Variants in SMYD3 observed in about 807,000 individuals in gnomAD.
SMYD3 encodes the protein histone-lysine N-methyltransferase SMYD3.
In SMYD3, 36 loss-of-function variants were observed where a neutral mutation model predicts 57.7. The observed-to-expected ratio is 0.62, with a 90% CI of 0.48 to 0.82. The LOEUF is 0.82. SMYD3 is among the 40% of genes least tolerant of loss of function. The pLI, the probability that SMYD3 is intolerant of heterozygous loss-of-function variation, is 0.00. For synonymous variants in SMYD3, 211 were observed against 195.0 expected (o/e 1.08, Z -0.68); for missense variants, 515 against 538.8 (o/e 0.96, Z 0.44).
chr1:245,875,230 T>C (rs1249043071), intron 8 of SMYD3, among the ~76,000 whole-genome samples: 1 of 152,202 alleles, frequency 6.6e-6, no homozygotes, highest in Non-Finnish European at 1.5e-5. Context: ...AACCGTCTCA[T>C]AAACCAAGCA....
chr1:245,986,135 A>G (rs2058700295), intron 5 of SMYD3, among the ~76,000 whole-genome samples: 2 of 152,210 alleles, frequency 1.3e-5, no homozygotes, highest in Non-Finnish European at 2.9e-5. Flanking sequence ...AGAATTTTAG[A>G]TAACTAACAT....
At chr1:246,475,252 C>A (rs1377025406) in intron 1 of SMYD3, among the ~76,000 whole-genome samples, 1 of 151,426 alleles carries the variant, frequency 6.6e-6, no homozygotes, top group Non-Finnish European at 1.5e-5. Context: ...CTGCTTGAAC[C>A]CGGAAGAGGA....
intron 5 of SMYD3, among the ~76,000 whole-genome samples, chr1:246,192,475 C>T (rs993537358): frequency 2.0e-5 from 3 of 151,696 alleles, no homozygotes; most frequent in Admixed American, 6.6e-5. Flanking sequence ...AGGCTGGTGT[C>T]GAACTCCTGG....
intron 5 of SMYD3, chr1:246,321,853 A>G (rs914288308): frequency 6.6e-6 from 1 of 152,464 alleles, no homozygotes; most frequent in African/African-American, 2.4e-5. Flanking sequence ...GGCTCAAGCA[A>G]TCCTCCCACC....
chr1:245,904,113 A>G (rs2054384926), intron 8 of SMYD3, among the ~76,000 whole-genome samples: 1 of 152,126 alleles, frequency 6.6e-6, no homozygotes, highest in South Asian at 2.1e-4. Context: ...TGGGAAGTAC[A>G]TCTTGAATTG....
intron 5 of SMYD3, among the ~76,000 whole-genome samples, chr1:246,090,508 T>C (rs2060803294): frequency 8.0e-6 from 1 of 124,892 alleles, no homozygotes. Context: ...AGAGCTGTTT[T>C]TCTTTCTCTC....
intron 5 of SMYD3, among the ~76,000 whole-genome samples, chr1:246,102,015 G>A (rs750681450): frequency 2.6e-5 from 4 of 152,072 alleles, no homozygotes; most frequent in Admixed American, 6.6e-5. Context: ...AGTTCTATCC[G>A]GCTTTAATTT....
intron 10 of SMYD3, among the ~76,000 whole-genome samples, chr1:245,765,783 A>G (rs1168908043): frequency 6.6e-6 from 1 of 152,114 alleles, no homozygotes; most frequent in Non-Finnish European, 1.5e-5. Flanking sequence ...CACAGACATC[A>G]CTAAGATGAC....
intron 5 of SMYD3, among the ~76,000 whole-genome samples, chr1:245,993,369 T>C (rs1284345272): frequency 6.6e-6 from 1 of 152,138 alleles, no homozygotes; most frequent in Non-Finnish European, 1.5e-5. Context: ...ATGGAAATGA[T>C]GCAAGTCAGT....
chr1:246,187,947 T>A (rs1345577510), intron 5 of SMYD3, among the ~76,000 whole-genome samples: 2 of 152,070 alleles, frequency 1.3e-5, no homozygotes, highest in Non-Finnish European at 2.9e-5. Context: ...CTCACATTCC[T>A]CACGTGCACT....
At chr1:245,941,195 G>A (rs936216375) in intron 5 of SMYD3, among the ~76,000 whole-genome samples, 4 of 152,098 alleles carry the variant, frequency 2.6e-5, no homozygotes, top group African/African-American at 9.7e-5. Context: ...GAATGATTGG[G>A]GTACCTGAAA....
chr1:245,998,676 C>T (rs755819691), intron 5 of SMYD3, among the ~76,000 whole-genome samples: 17 of 151,946 alleles, frequency 1.1e-4, no homozygotes, highest in South Asian at 2.1e-4. Flanking sequence ...CCAAAGCAAA[C>T]GAAAGCAGCG....
intron 1 of SMYD3, among the ~76,000 whole-genome samples, chr1:246,413,297 A>C (rs745313389): frequency 2.6e-5 from 4 of 152,182 alleles, no homozygotes; most frequent in Admixed American, 6.5e-5. Flanking sequence ...GCTTATATTC[A>C]AATCCAGGAA....
intron 1 of SMYD3, among the ~76,000 whole-genome samples, chr1:246,356,786 T>C (rs1245328820): frequency 6.6e-6 from 1 of 152,148 alleles, no homozygotes; most frequent in African/African-American, 2.4e-5. Flanking sequence ...TCCAAGAAGT[T>C]TGGAACTATG....
At chr1:246,417,962 G>C (rs2067087693) in intron 1 of SMYD3, among the ~76,000 whole-genome samples, 1 of 152,152 alleles carries the variant, frequency 6.6e-6, no homozygotes. Flanking sequence ...GTCAGCTTCT[G>C]GGGTCAGAAG....
At chr1:245,821,489 AG>A (rs2049157668) in intron 10 of SMYD3, among the ~76,000 whole-genome samples, 2 of 146,768 alleles carry the variant, frequency 1.4e-5, no homozygotes, top group African/African-American at 4.9e-5. Flanking sequence ...GGCATGGGCA[AG>A]GACTTCATGT....
intron 5 of SMYD3, among the ~76,000 whole-genome samples, chr1:246,217,902 A>T (rs1477228689): frequency 6.6e-6 from 1 of 152,190 alleles, no homozygotes; most frequent in Non-Finnish European, 1.5e-5. Flanking sequence ...AAGCATACTC[A>T]TGGCCCAACA....
intron 5 of SMYD3, among the ~76,000 whole-genome samples, chr1:246,197,662 G>A (rs1027780794): frequency 6.6e-6 from 1 of 152,124 alleles, no homozygotes; most frequent in African/African-American, 2.4e-5. Context: ...ATCCTGTGTG[G>A]CATACTGGTA....
intron 8 of SMYD3, among the ~76,000 whole-genome samples, chr1:245,885,673 TTC>T (rs1308373129): frequency 6.6e-6 from 1 of 152,164 alleles, no homozygotes; most frequent in African/African-American, 2.4e-5. Context: ...CTATTAGAGG[TTC>T]TCTCTGTCCC....
Sources: allele counts gnomAD v4.1 joint callset (sites outside exome capture counted in the v4.1 genomes callset), GRCh38; gene constraint gnomAD v4.1.1; transcripts MANE v1.5; gene names NCBI Gene and HGNC (gene_info 2026-07-23, HGNC 2026-07-21).